Variants in EIF4ENIF1 observed in about 807,000 individuals in gnomAD.
The protein encoded by EIF4ENIF1 is eukaryotic translation initiation factor 4E nuclear import factor 1.
Under a neutral mutation model 110.5 loss-of-function variants are expected in EIF4ENIF1, and 23 were observed. The ratio of observed to expected loss-of-function variants is 0.21; its 90% CI spans 0.15 to 0.29. EIF4ENIF1 has a LOEUF of 0.29. Among genes scored for constraint, EIF4ENIF1 ranks in the 10% least tolerant of loss-of-function variants. EIF4ENIF1 has a pLI of 1.00. For synonymous variants in EIF4ENIF1, 440 were observed against 437.0 expected, an observed-to-expected ratio of 1.01 and a Z score of -0.09; for missense variants, 1,031 against 1,221.1, an observed-to-expected ratio of 0.84 and a Z score of 2.32.
Position 31,439,839 on chromosome 22 carries a change from G to A in EIF4ENIF1, c.*41C>T. 6.2e-7 allele frequency: 1 copy of A among 1,602,932 alleles called. No homozygotes were observed. The highest frequency in any genetic ancestry group is 2.2e-5 in the East Asian group (1 of 44,884). On this transcript the variant is annotated 3_prime_UTR_variant, in exon 19 of 19. Transcript: ENST00000330125. ...GATGAAGCAGGGTCCTGCCCAGTGT[G>A]CCACCACAGGTCCGGGCTTAGTTGA...
rs8142770 is a variant in EIF4ENIF1, at chr22:31,455,382, T to A, written c.1100-67A>T. The A allele has an allele frequency of 3.7e-3, 4,652 of 1,251,060 alleles. 42 individuals are homozygous for A. Among genetic ancestry groups the A allele is most frequent in the Middle Eastern group, 0.036 (166 of 4,604 alleles). 77.5% of individuals were successfully genotyped at this position (1,251,060 alleles called of 1,614,324 possible). ...GTAAAGAAACATGCCTTCGACAGTA[T>A]TTTTCTTTCTTTCTTTTTTTTTTTT... is the stretch of plus-strand genomic sequence containing the variant. On this transcript the variant is annotated intron_variant, in intron 8 of 18. Transcript: ENST00000330125.
rs1327997145 is a variant in EIF4ENIF1 at position 31,443,071 on chromosome 22, G to A, written c.2097C>T (p.Thr699=). Residue 699 remains threonine (T), a synonymous_variant, in exon 16 of 19, where the codon ACC becomes ACT. Transcript: ENST00000330125. ...TSMLSPSFTP[T]SVIRKMYESK... is the part of the protein sequence containing the mutation. ...TCTCGTACATCTTACGAATCACTGA[G>A]GTAGGGGTAAAGGAAGGAGAAAGCT... 2 of 1,614,014 alleles carry A rather than the reference G, an allele frequency of 1.2e-6. No homozygotes were observed. Among genetic ancestry groups the A allele is most frequent in the Non-Finnish European group, 1.7e-6 (2 of 1,180,034 alleles).
At chr22:31,443,317 C>T in intron 15 of EIF4ENIF1, 1 of 495,212 alleles carries the variant, frequency 2.0e-6, no homozygotes, top group Non-Finnish European at 3.4e-6. Flanking sequence ...ATAATGGGGA[C>T]ATGCCTATGC....
intron 3 of EIF4ENIF1, among the ~76,000 whole-genome samples, chr22:31,470,015 T>TTGGC (rs1447528140): frequency 1.3e-5 from 2 of 151,536 alleles, no homozygotes; most frequent in Non-Finnish European, 2.9e-5. Context: ...ACTATAAAAA[T>TTGGC]TAGCCAGGTG....
intron 2 of EIF4ENIF1, among the ~76,000 whole-genome samples, chr22:31,479,724 T>G (rs945419769): frequency 3.4e-5 from 5 of 146,140 alleles, no homozygotes; most frequent in Admixed American, 2.1e-4. Context: ...CCTTTTGGAG[T>G]TTTTTTTTTG....
intron 17 of EIF4ENIF1, 134 bp from the exon 18 acceptor site, chr22:31,441,002 T>C (rs2050276752): frequency 5.7e-6 from 7 of 1,234,532 alleles, no homozygotes; most frequent in Non-Finnish European, 7.9e-6. Context: ...ACGCCTGTAA[T>C]CCCCAGCACT....
rs773480259 is a variant in EIF4ENIF1, at chr22:31,448,246, TAGTCTC to T, written c.1769-20_1769-15del. 1 of 1,613,932 alleles carries T rather than the reference TAGTCTC, an allele frequency of 6.2e-7. No individual in the cohort carries two copies. The highest frequency in any genetic ancestry group is 1.1e-5 in the South Asian group (1 of 91,076). On this transcript the variant is annotated splice_polypyrimidine_tract_variant and intron_variant, in intron 12 of 18. Transcript: ENST00000330125. Reference sequence around the variant, plus strand: ...CTGGTGTGAAACCTGTCGGGAAAGTTAGTCTCAGTGAGTACCAAGATGGTATGTGTG... The same window carrying T: ...CTGGTGTGAAACCTGTCGGGAAAGTTAGTGAGTACCAAGATGGTATGTGTG...
intron 2 of EIF4ENIF1, among the ~76,000 whole-genome samples, chr22:31,473,341 A>C (rs1273534934): frequency 6.6e-6 from 1 of 152,082 alleles, no homozygotes; most frequent in African/African-American, 2.4e-5. Flanking sequence ...AGTTGAGAAG[A>C]ACTGCCAGTT....
intron 3 of EIF4ENIF1, among the ~76,000 whole-genome samples, chr22:31,470,841 A>G (rs2051350675): frequency 6.6e-6 from 1 of 151,346 alleles, no homozygotes; most frequent in Admixed American, 6.6e-5. Context: ...ATAGTACCAT[A>G]GGTACCATAA....
At chr22:31,453,821 T>C (rs1250716834) in intron 10 of EIF4ENIF1, among the ~76,000 whole-genome samples, 2 of 152,108 alleles carry the variant, frequency 1.3e-5, no homozygotes, top group African/African-American at 4.8e-5. Flanking sequence ...AACAAGAAAA[T>C]TGTCTCTGGA....
At chr22:31,477,042 G>A (rs545708068) in intron 2 of EIF4ENIF1, among the ~76,000 whole-genome samples, 1 of 149,382 alleles carries the variant, frequency 6.7e-6, no homozygotes, top group Non-Finnish European at 1.5e-5. Flanking sequence ...CGACTTGGTT[G>A]AGCCCAGGAG....
upstream of EIF4ENIF1, among the ~76,000 whole-genome samples, chr22:31,493,266 T>A (rs541895658): frequency 2.6e-5 from 4 of 152,222 alleles, no homozygotes; most frequent in South Asian, 6.2e-4. Context: ...CCTGACTTCA[T>A]GATCCACCCG....
chr22:31,449,247 T>G, intron 12 of EIF4ENIF1, 101 bp downstream of exon 12: 3 of 1,244,450 alleles, frequency 2.4e-6, no homozygotes, highest in Non-Finnish European at 3.4e-6. Context: ...TGACCTCAGG[T>G]GATCTGCCCA....
In EIF4ENIF1 at chr22:31,450,716, GGA is replaced by G. The variant is rs777343849; in HGVS notation, c.1513-358_1513-357del. The G allele has an allele frequency of 7.7e-4, 139 of 180,112 alleles. 1 individual carries two copies. Among genetic ancestry groups the G allele is most frequent in the Non-Finnish European group, 1.2e-3 (120 of 100,700 alleles). 11.2% of individuals were successfully genotyped at this position (180,112 alleles called of 1,614,324 possible). A position where few individuals can be genotyped will look rare whatever the true frequency, so the allele number is the denominator to read the frequency against. On this transcript the variant is annotated intron_variant, in intron 10 of 18. Transcript: ENST00000330125. ...CCCATTACCTTTAACAAGATTTATT[GGA>G]GACACACACACACACACACACACTC...
chr22:31,437,450 T>TCTCCCCCCCCCCCCC (rs1555900377), downstream of EIF4ENIF1: 1 of 125,012 alleles, frequency 8.0e-6, no homozygotes, highest in Non-Finnish European at 1.7e-5. Flanking sequence ...TTTGCCTTCA[T>TCTCCCCCCCCCCCCC]CCCCCCCCCA....
intron 3 of EIF4ENIF1, 38 bp downstream of exon 3, chr22:31,471,806 T>C (rs993996529): frequency 8.6e-6 from 13 of 1,518,390 alleles, no homozygotes; most frequent in South Asian, 1.2e-5. Flanking sequence ...AAAAAGTTAT[T>C]GACTAGAAGT....
intron 14 of EIF4ENIF1, among the ~76,000 whole-genome samples, chr22:31,445,819 G>A (rs893724893): frequency 7.2e-5 from 11 of 152,136 alleles, no homozygotes; most frequent in South Asian, 4.2e-4. Flanking sequence ...ACTGTACACA[G>A]GGAGGACCTA....
Position 31,455,178 on chromosome 22 carries a change from G to A in EIF4ENIF1, c.1237C>T (p.Leu413Phe). 1 of 1,613,118 alleles carries A rather than the reference G, an allele frequency of 6.2e-7. No homozygotes were observed. Among genetic ancestry groups the A allele is most frequent in the Non-Finnish European group, 8.5e-7 (1 of 1,179,734 alleles). The stretch of plus-strand genomic sequence containing the variant: ...TCTTTATTTGCAGAAAGGCTGGAAA[G>A]AAGAGGTTTCAAATCCACTTTGGCT... ...QKAKVDLKPL[L>F]SSLSANKEKL... The change falls in exon 9 of 19, where the codon CTT becomes TTT. Residue 413 changes from leucine (L) to phenylalanine (F), a missense_variant. Physicochemically the swap from Leu to Phe is conservative, Grantham distance 22. Coordinates refer to ENST00000330125, the MANE Select transcript of EIF4ENIF1 (RefSeq NM_019843.4).
At chr22:31,451,307 C>T (rs1341635295) in intron 10 of EIF4ENIF1, 1 of 152,168 alleles carries the variant, frequency 6.6e-6, no homozygotes, top group Non-Finnish European at 1.5e-5. Flanking sequence ...CAGAGTCTTG[C>T]TCTGTCACCA....
Sources: allele counts gnomAD v4.1 joint callset (sites outside exome capture counted in the v4.1 genomes callset), GRCh38; gene constraint gnomAD v4.1.1; transcripts MANE v1.5; gene names NCBI Gene and HGNC (gene_info 2026-07-23, HGNC 2026-07-21).